Variants in GHR observed in about 807,000 individuals in gnomAD.
GHR encodes growth hormone receptor.
In GHR, 35 loss-of-function variants were observed where a neutral mutation model predicts 67.1. That is an observed-to-expected ratio of 0.52 (90% CI 0.40 to 0.69). The LOEUF (loss-of-function observed/expected upper bound fraction) is 0.69, where lower values mean the gene tolerates loss of function less well. Among genes scored for constraint, GHR ranks in the 30% least tolerant of loss-of-function variants. The pLI is 0.00. For synonymous variants in GHR, 272 were observed against 269.1 expected, an observed-to-expected ratio of 1.01 and a Z score of -0.10; for missense variants, 792 against 764.6, an observed-to-expected ratio of 1.04 and a Z score of -0.42.
intron 3 of GHR, among the ~76,000 whole-genome samples, chr5:42,682,151 C>A (rs1485262640): frequency 2.6e-5 from 4 of 152,112 alleles, no homozygotes; most frequent in Non-Finnish European, 5.9e-5. Context: ...CCATCATTCT[C>A]AGCAAACGAT....
chr5:42,685,270 A>G (rs999778883), intron 3 of GHR, among the ~76,000 whole-genome samples: 1 of 152,162 alleles, frequency 6.6e-6, no homozygotes, highest in Non-Finnish European at 1.5e-5. Context: ...AAAGAACATG[A>G]ACTCATCCTT....
chr5:42,674,142 C>T (rs1024679343), intron 3 of GHR, among the ~76,000 whole-genome samples: 13 of 152,060 alleles, frequency 8.5e-5, no homozygotes, highest in Admixed American at 6.6e-4. Flanking sequence ...ATAATATTTT[C>T]ATATTGCCAA....
intron 8 of GHR, 139 bp from the exon 9 acceptor site, chr5:42,717,913 T>C (rs1414773489): frequency 1.6e-6 from 1 of 609,356 alleles, no homozygotes; most frequent in Non-Finnish European, 3.0e-6. Flanking sequence ...TTCTTCTGTT[T>C]CTCACACTCC....
At position 42,576,065 on chromosome 5, in the gene GHR, A is replaced by AAAATAAAAT. The variant is rs1491342613; in HGVS notation, c.70+10125_70+10133dup. On this transcript the variant is annotated intron_variant, in intron 2 of 9. Coordinates refer to ENST00000230882, the MANE Select transcript of GHR (RefSeq NM_000163.5). ...TTAAAATAATAAAATAAAATAAAAT[A>AAAATAAAAT]AAATAAAATAAAATAAAATAAAATA... is the stretch of plus-strand genomic sequence containing the variant. Among the ~76,000 whole-genome samples the AAAATAAAAT allele has an allele frequency of 2.1e-4, 17 of 80,716 alleles. 1 individual carries two copies. Among genetic ancestry groups the AAAATAAAAT allele is most frequent in the African/African-American group, 1.1e-3 (16 of 15,068 alleles). The allele number at this position is 80,716 out of a possible 152,430, so 53.0% of individuals were successfully genotyped here. A position where few individuals can be genotyped will look rare whatever the true frequency, so the allele number is the denominator to read the frequency against.
intron 6 of GHR, among the ~76,000 whole-genome samples, chr5:42,702,464 C>T (rs977872567): frequency 1.3e-5 from 2 of 151,890 alleles, no homozygotes; most frequent in Non-Finnish European, 2.9e-5. Flanking sequence ...GAACATAGGT[C>T]GATTCTATTT....
At chr5:42,491,001 T>C (rs1746091439) in intron 1 of GHR, among the ~76,000 whole-genome samples, 1 of 152,232 alleles carries the variant, frequency 6.6e-6, no homozygotes, top group African/African-American at 2.4e-5. Flanking sequence ...TCATAATATT[T>C]CTAACATCCG....
intron 3 of GHR, among the ~76,000 whole-genome samples, chr5:42,685,444 T>C (rs1226663980): frequency 6.6e-6 from 1 of 152,202 alleles, no homozygotes; most frequent in African/African-American, 2.4e-5. Context: ...TTTATAATCC[T>C]TTGGGTATAT....
intron 1 of GHR, among the ~76,000 whole-genome samples, chr5:42,456,424 C>A (rs1744264097): frequency 6.6e-6 from 1 of 152,178 alleles, no homozygotes; most frequent in East Asian, 1.9e-4. Flanking sequence ...GACTAAAAAT[C>A]ATGGGACTAC....
chr5:42,690,821 A>G (rs1757388311), intron 4 of GHR, among the ~76,000 whole-genome samples: 1 of 152,160 alleles, frequency 6.6e-6, no homozygotes, highest in African/African-American at 2.4e-5. Context: ...TGATTTCTAT[A>G]AATACATTCA....
chr5:42,586,140 C>A (rs949165684), intron 2 of GHR, among the ~76,000 whole-genome samples: 2 of 152,084 alleles, frequency 1.3e-5, no homozygotes, highest in Admixed American at 6.6e-5. Context: ...ACCCAGAAGA[C>A]ATTCAGTTTG....
At chr5:42,718,300 T>A (rs985161925) in intron 9 of GHR, among the ~76,000 whole-genome samples, 153 bp from the exon 10 acceptor site, 4 of 147,882 alleles carry the variant, frequency 2.7e-5, no homozygotes, top group African/African-American at 1.0e-4. Context: ...GTCATATGTA[T>A]TTAAAAAGTT....
chr5:42,565,594 A>G (rs1480077863), intron 1 of GHR: 6 of 985,150 alleles, frequency 6.1e-6, no homozygotes, highest in South Asian at 4.7e-5. Context: ...AGGTGTTTCT[A>G]TGGCTTTGAG....
chr5:42,533,416 C>T (rs1748067845), intron 1 of GHR, among the ~76,000 whole-genome samples: 1 of 151,810 alleles, frequency 6.6e-6, no homozygotes. Context: ...CTGCTGATTG[C>T]ATTTTAATTT....
intron 3 of GHR, among the ~76,000 whole-genome samples, chr5:42,662,362 T>A (rs1755689299): frequency 6.6e-6 from 1 of 151,840 alleles, no homozygotes; most frequent in Non-Finnish European, 1.5e-5. Context: ...GAAGCAAAGC[T>A]CTCCTCAGCA....
chr5:42,632,746 G>A (rs1753991351), intron 3 of GHR, among the ~76,000 whole-genome samples: 2 of 152,150 alleles, frequency 1.3e-5, no homozygotes, highest in South Asian at 4.1e-4. Context: ...GGTCAGCCCA[G>A]GGTAAATATG....
chr5:42,609,532 C>T (rs979803397), intron 2 of GHR, among the ~76,000 whole-genome samples: 2 of 152,080 alleles, frequency 1.3e-5, no homozygotes, highest in African/African-American at 2.4e-5. Context: ...CTGATCTAGC[C>T]CATGGTAGTT....
intron 6 of GHR, among the ~76,000 whole-genome samples, chr5:42,702,208 C>T (rs1487638201): frequency 6.6e-6 from 1 of 152,034 alleles, no homozygotes; most frequent in Non-Finnish European, 1.5e-5. Context: ...TAACTCTGCA[C>T]CCTGCCCACA....
intron 2 of GHR, among the ~76,000 whole-genome samples, chr5:42,589,989 G>A (rs573657700): frequency 6.6e-6 from 1 of 152,306 alleles, no homozygotes; most frequent in Admixed American, 6.5e-5. Context: ...AAGTCATTGG[G>A]AAGTTGGAGT....
rs144484015 is a variant in GHR at position 42,509,752 on chromosome 5, A to AC, written c.-11-56110dup. ...CTTTTTTTTTTTTTTTTACACGTCTACCTCTATTAGCACTCCCTGCTCCTA... is the reference window on the plus strand; with the variant it reads ...CTTTTTTTTTTTTTTTTACACGTCTACCCTCTATTAGCACTCCCTGCTCCTA... On this transcript the variant is annotated intron_variant, in intron 1 of 9. Transcript: ENST00000230882. 9.9e-3 allele frequency among the ~76,000 whole-genome samples: 1,451 copies of AC among 146,672 alleles called. 31 individuals carry two copies. The highest frequency in any genetic ancestry group is 0.035 in the African/African-American group (1,396 of 39,504).
Sources: allele counts gnomAD v4.1 joint callset (sites outside exome capture counted in the v4.1 genomes callset), GRCh38; gene constraint gnomAD v4.1.1; transcripts MANE v1.5; gene names NCBI Gene and HGNC (gene_info 2026-07-23, HGNC 2026-07-21).